Variants in SEMA3D observed in about 807,000 individuals in gnomAD.
SEMA3D encodes semaphorin 3D.
In SEMA3D, 84 loss-of-function variants were observed where a neutral mutation model predicts 100.1. The observed-to-expected ratio is 0.84, with a 90% CI of 0.70 to 1.01. The LOEUF (loss-of-function observed/expected upper bound fraction) is 1.01, where lower values mean the gene tolerates loss of function less well. Among genes scored for constraint, SEMA3D ranks in the 50% least tolerant of loss-of-function variants. The pLI, the probability that SEMA3D is intolerant of heterozygous loss-of-function variation, is 0.00. For missense variants in SEMA3D, 875 were observed against 934.1 expected (o/e 0.94, Z 0.82); for synonymous variants, 312 against 320.7 (o/e 0.97, Z 0.29).
At chr7:85,144,437 C>A in intron 2 of SEMA3D, 2 of 976,798 alleles carry the variant, frequency 2.0e-6, no homozygotes, top group Non-Finnish European at 2.4e-6. Flanking sequence ...TACCCACACA[C>A]TTCATCCTCT....
At chr7:85,178,748 T>C (rs943724181) in intron 1 of SEMA3D, among the ~76,000 whole-genome samples, 1 of 152,182 alleles carries the variant, frequency 6.6e-6, no homozygotes, top group African/African-American at 2.4e-5. Flanking sequence ...ATGTTAAACA[T>C]GAAGACAATG....
Position 85,170,864 on chromosome 7 carries a change from T to C in SEMA3D, c.-173+15814A>G, listed in dbSNP as rs192678956. Among the ~76,000 whole-genome samples, 169 of 152,102 alleles carry C rather than the reference T, an allele frequency of 1.1e-3. 2 individuals carry two copies. Among genetic ancestry groups the C allele is most frequent in the South Asian group, 0.011 (51 of 4,832 alleles). ...CAACCAATAGAACATGCTTAATATA[T>C]ACTGGTGAGAAGACATCAAAACACT... On this transcript the variant is annotated intron_variant, in intron 1 of 18. Transcript: ENST00000284136.
At chr7:85,025,056 C>T (rs752527510) in intron 12 of SEMA3D, among the ~76,000 whole-genome samples, 7 of 152,102 alleles carry the variant, frequency 4.6e-5, no homozygotes, top group Non-Finnish European at 8.8e-5. Flanking sequence ...GGCAGCTATA[C>T]ATCTCAGGTA....
the SEMA3D span, among the ~76,000 whole-genome samples, chr7:85,212,204 G>GTC: frequency 0.15 from 23,153 of 152,000 alleles, 4,072 homozygotes; most frequent in African/African-American, 0.43. Flanking sequence ...GTGTTTCTCT[G>GTC]TTCAGAAAAT....
intron 17 of SEMA3D, among the ~76,000 whole-genome samples, chr7:85,008,069 A>C (rs571392328): frequency 9.9e-5 from 15 of 151,960 alleles, no homozygotes; most frequent in African/African-American, 3.6e-4. Context: ...AATTCAACAG[A>C]TTATAGCTGT....
rs1351687221 is a variant in SEMA3D at position 85,069,164 on chromosome 7, A to G, written c.496-880T>C. ...TTCTGTCTAGGTGATGTATCTATGA[A>G]GTTATATCAGAACACACATGTAATA... On this transcript the variant is annotated intron_variant, in intron 6 of 18. Transcript: ENST00000284136. Among the ~76,000 whole-genome samples, 3 of 152,274 alleles carry G rather than the reference A, an allele frequency of 2.0e-5. 1 individual carries two copies. In the Middle Eastern group the frequency reaches 0.01, roughly 518 times the overall value.
In SEMA3D at chr7:84,997,333, CACTT is replaced by C. The variant is rs1789530193; in HGVS notation, c.*2103_*2106del. 6.6e-6 allele frequency: 1 copy of C among 151,968 alleles called. No homozygotes were observed. The highest frequency in any genetic ancestry group is 1.5e-5 in the Non-Finnish European group (1 of 67,920). The allele number at this position is 151,968 out of a possible 1,614,324, so 9.4% of individuals were successfully genotyped here. On this transcript the variant is annotated 3_prime_UTR_variant, in exon 19 of 19. Coordinates refer to ENST00000284136, the MANE Select transcript of SEMA3D (RefSeq NM_001384900.1). ...ATTTTTTTTAAATTAAAAATGTTCC[CACTT>C]AATTGCTTTGAGCTCGCTATGAGTT...
the SEMA3D span, among the ~76,000 whole-genome samples, chr7:85,218,620 T>G: frequency 6.6e-6 from 1 of 152,128 alleles, no homozygotes; most frequent in African/African-American, 2.4e-5. Flanking sequence ...TATGTAGTAG[T>G]ATACACATCA....
chr7:85,068,858 T>C (rs1791696851), intron 6 of SEMA3D, among the ~76,000 whole-genome samples: 1 of 152,190 alleles, frequency 6.6e-6, no homozygotes, highest in South Asian at 2.1e-4. Flanking sequence ...AGTATTTCAC[T>C]ATGACGAAAA....
rs925062329 is a variant in SEMA3D, at chr7:85,097,157, G to A, written c.312+648C>T. On this transcript the variant is annotated intron_variant, in intron 4 of 18. Coordinates refer to ENST00000284136, the MANE Select transcript of SEMA3D (RefSeq NM_001384900.1). ...TCTAAAGTGTGGCACCCTTTCCTCC[G>A]GGTTTCACACTGGTGGTTGAAAATG... Among the ~76,000 whole-genome samples, 9 of 151,824 alleles carry A rather than the reference G, an allele frequency of 5.9e-5. No individual in the cohort carries two copies. The South Asian group carries it at 1.5e-3, about 24-fold the overall frequency.
At chr7:85,159,285 T>C (rs1790679968) in intron 1 of SEMA3D, among the ~76,000 whole-genome samples, 1 of 152,078 alleles carries the variant, frequency 6.6e-6, no homozygotes, top group South Asian at 2.1e-4. Flanking sequence ...AGAGGGGTGA[T>C]AAGGAATCTG....
intron 3 of SEMA3D, among the ~76,000 whole-genome samples, chr7:85,113,710 G>A (rs113043637): frequency 0.022 from 3,336 of 151,366 alleles, 117 homozygotes; most frequent in African/African-American, 0.076. Flanking sequence ...GGTGGAGTTT[G>A]CAGTGAGCCG....
the SEMA3D span, among the ~76,000 whole-genome samples, chr7:85,215,102 CTTCT>C: frequency 1.4e-3 from 198 of 145,986 alleles, no homozygotes; most frequent in African/African-American, 3.9e-3. Flanking sequence ...AAGTGTTCTT[CTTCT>C]TTCTTTCTTT....
intron 3 of SEMA3D, among the ~76,000 whole-genome samples, chr7:85,098,304 C>T (rs1788634404): frequency 1.3e-5 from 2 of 151,450 alleles, no homozygotes; most frequent in South Asian, 4.1e-4. Flanking sequence ...GTGTGAAAAA[C>T]ACACAGTATT....
intron 2 of SEMA3D, among the ~76,000 whole-genome samples, chr7:85,125,836 G>A (rs1244536862): frequency 2.6e-5 from 4 of 151,536 alleles, no homozygotes; most frequent in African/African-American, 9.7e-5. Flanking sequence ...TTGTGCATCT[G>A]GGATGAATTA....
intron 4 of SEMA3D, among the ~76,000 whole-genome samples, chr7:85,096,118 C>T (rs2116307053): frequency 6.6e-6 from 1 of 152,042 alleles, no homozygotes; most frequent in South Asian, 2.1e-4. Flanking sequence ...TGCAGCATCT[C>T]TTAAAGCAAA....
At chr7:85,228,635 AT>A in the SEMA3D span, among the ~76,000 whole-genome samples, 6 of 151,722 alleles carry the variant, frequency 4.0e-5, no homozygotes, top group African/African-American at 7.3e-5. Context: ...CATTTTCTGT[AT>A]TTTTTTTAAC....
chr7:85,231,594 G>A, the SEMA3D span, among the ~76,000 whole-genome samples: 1 of 151,942 alleles, frequency 6.6e-6, no homozygotes, highest in African/African-American at 2.4e-5. Context: ...GGGACTACAG[G>A]CGTCTGCCAC....
chr7:85,043,305 G>A (rs533047521), intron 9 of SEMA3D, among the ~76,000 whole-genome samples: 2 of 152,180 alleles, frequency 1.3e-5, no homozygotes, highest in South Asian at 4.1e-4. Context: ...GCTGCAGTGA[G>A]CCATGTTTGT....
Sources: allele counts gnomAD v4.1 joint callset (sites outside exome capture counted in the v4.1 genomes callset), GRCh38; gene constraint gnomAD v4.1.1; transcripts MANE v1.5; gene names NCBI Gene and HGNC (gene_info 2026-07-23, HGNC 2026-07-21).